The following KYNU variants were observed in gnomAD, a reference collection of about 807,000 sequenced individuals.
KYNU encodes the protein L-kynurenine hydrolase.
In KYNU, 54 loss-of-function variants were observed where a neutral mutation model predicts 59.2. The ratio of observed to expected loss-of-function variants is 0.91; its 90% confidence interval spans 0.73 to 1.14. The LOEUF (loss-of-function observed/expected upper bound fraction) is 1.14. Ranked by LOEUF, KYNU falls within the 50% of genes most tolerant of loss-of-function variation. KYNU has a pLI of 0.00. For synonymous variants in KYNU, 177 were observed against 192.0 expected (o/e 0.92, Z 0.65); for missense variants, 567 against 554.4 (o/e 1.02, Z -0.23).
intron 7 of KYNU, among the ~76,000 whole-genome samples, chr2:142,960,249 T>C (rs1684298476): frequency 6.6e-6 from 1 of 152,224 alleles, no homozygotes; most frequent in Non-Finnish European, 1.5e-5. Flanking sequence ...CAATTTCTGA[T>C]AATTTATCTT....
intron 4 of KYNU, among the ~76,000 whole-genome samples, chr2:142,934,000 AAAGTATATGGGTTAGG>A (rs1336134942): frequency 6.6e-6 from 1 of 152,200 alleles, no homozygotes; most frequent in Non-Finnish European, 1.5e-5. Context: ...TACGGAAAGT[AAAGTATATGGGTTAGG>A]AACTACTAGA....
rs975919206 is a variant in KYNU, at chr2:143,050,032, T to G, written c.*7860T>G. On this transcript the variant is annotated 3_prime_UTR_variant, in exon 14 of 14. Coordinates refer to ENST00000264170, the MANE Select transcript of KYNU (RefSeq NM_003937.3). ...TATATATATAATATATAAACATATA[T>G]TTATATAAAATAAAAACATATAAAA... 11 of 147,854 alleles carry G rather than the reference T, an allele frequency of 7.4e-5. No individual in the cohort carries two copies. Among genetic ancestry groups the G allele is most frequent in the African/African-American group, 2.7e-4 (11 of 40,876 alleles). 9.2% of individuals were successfully genotyped at this position (147,854 alleles called of 1,614,324 possible).
intron 10 of KYNU, among the ~76,000 whole-genome samples, chr2:142,996,096 G>T (rs1237117965): frequency 1.3e-5 from 2 of 151,954 alleles, no homozygotes; most frequent in Admixed American, 1.3e-4. Flanking sequence ...CTTGACTAGG[G>T]GACTTATGAA....
At position 142,956,248 on chromosome 2, in the gene KYNU, G is replaced by A. The variant is rs759252207; in HGVS notation, c.481G>A (p.Glu161Lys). 6.2e-7 allele frequency: 1 copy of A among 1,603,740 alleles called. No individual in the cohort carries two copies. Among genetic ancestry groups the A allele is most frequent in the East Asian group, 2.2e-5 (1 of 44,694 alleles). ...GCCAAAACGATATAAAATTCTTCTA[G>A]AAGCCAAAGCCTTCCCTTCTGATCA... is the stretch of plus-strand genomic sequence containing the variant. ...PTPKRYKILL[E>K]AKAFPSDHYA... Residue 161 changes from glutamate (E) to lysine (K), a missense_variant, in exon 6 of 14, where the codon GAA becomes AAA. Glu to Lys is a moderately conservative substitution (Grantham distance 56, BLOSUM62 1). Transcript: ENST00000264170.
chr2:142,950,298 G>A (rs1356868108), intron 4 of KYNU, among the ~76,000 whole-genome samples: 4 of 152,138 alleles, frequency 2.6e-5, no homozygotes, highest in Non-Finnish European at 5.9e-5. Flanking sequence ...TATCTTTTCA[G>A]CAATGTCCCA....
intron 1 of KYNU, among the ~76,000 whole-genome samples, chr2:142,883,835 A>G (rs1477306425): frequency 6.6e-6 from 1 of 152,220 alleles, no homozygotes; most frequent in Non-Finnish European, 1.5e-5. Flanking sequence ...TAAATTGTAC[A>G]AGGGTTGGCA....
chr2:142,911,187 A>G (rs1025303257), intron 2 of KYNU, among the ~76,000 whole-genome samples: 3 of 152,114 alleles, frequency 2.0e-5, no homozygotes, highest in African/African-American at 7.2e-5. Flanking sequence ...GATTCTTCCA[A>G]TCCATGAGTA....
chr2:142,964,485 T>A (rs1684467253), intron 8 of KYNU, among the ~76,000 whole-genome samples: 1 of 152,204 alleles, frequency 6.6e-6, no homozygotes, highest in Non-Finnish European at 1.5e-5. Flanking sequence ...CTAAGTAGTT[T>A]GCAGTGGTAA....
rs181113574 is a variant in KYNU at position 142,932,335 on chromosome 2, G to C, written c.373+4594G>C. ...TGAAGGTTTTGGGCTCAGAAGTCCT[G>C]CTTTTCTTCTGAGGAGTAAAGAGGA... On this transcript the variant is annotated intron_variant, in intron 4 of 13. Transcript: ENST00000264170. 1.0e-3 allele frequency among the ~76,000 whole-genome samples: 159 copies of C among 152,218 alleles called. No homozygotes were observed. The Middle Eastern group carries it at 0.014, about 13-fold the overall frequency.
Position 143,049,969 on chromosome 2 carries a change from C to T in KYNU, c.*7797C>T, listed in dbSNP as rs188560452. 6.0e-5 allele frequency: 9 copies of T among 149,468 alleles called. No individual in the cohort carries two copies. The South Asian group carries it at 6.3e-4, about 10-fold the overall frequency. The allele number at this position is 149,468 out of a possible 1,614,324, so 9.3% of individuals were successfully genotyped here. A position where few individuals can be genotyped will look rare whatever the true frequency, so the allele number is the denominator to read the frequency against. On this transcript the variant is annotated 3_prime_UTR_variant, in exon 14 of 14. Transcript: ENST00000264170. ...GAAGAACACTTTAAATTCTTGTTTTCGGTTTTTTTCCAATCACATAAGTAG... is the reference window on the plus strand; with the variant it reads ...GAAGAACACTTTAAATTCTTGTTTTTGGTTTTTTTCCAATCACATAAGTAG...
intron 5 of KYNU, among the ~76,000 whole-genome samples, chr2:142,955,420 G>T (rs1684130684): frequency 6.6e-6 from 1 of 152,024 alleles, no homozygotes; most frequent in Non-Finnish European, 1.5e-5. Flanking sequence ...TGTTAATGGT[G>T]ACTGCCCAAT....
Position 143,044,452 on chromosome 2 carries a change from A to G in KYNU, c.*2280A>G, listed in dbSNP as rs1191682201. 6.6e-6 allele frequency: 1 copy of G among 152,174 alleles called. No individual in the cohort carries two copies. Among genetic ancestry groups the G allele is most frequent in the Non-Finnish European group, 1.5e-5 (1 of 68,028 alleles). 9.4% of individuals were successfully genotyped at this position (152,174 alleles called of 1,614,324 possible). On this transcript the variant is annotated 3_prime_UTR_variant, in exon 14 of 14. Transcript: ENST00000264170. The stretch of plus-strand genomic sequence containing the variant: ...TGAACTAATTTATACTCCCACCAAC[A>G]GTGTAAAAGCATTCCTATTTCTCCA...
chr2:142,886,571 G>A (rs1166353115), intron 2 of KYNU, among the ~76,000 whole-genome samples: 1 of 136,308 alleles, frequency 7.3e-6, no homozygotes, highest in Non-Finnish European at 1.6e-5. Context: ...TAAGTGATCT[G>A]AGACCATAGA....
intron 2 of KYNU, among the ~76,000 whole-genome samples, chr2:142,895,052 G>A (rs1439064149): frequency 6.6e-6 from 1 of 152,146 alleles, no homozygotes; most frequent in East Asian, 1.9e-4. Context: ...CCCCCATTAA[G>A]AAGGATTGGT....
At chr2:142,987,374 T>G (rs1317816337) in intron 10 of KYNU, among the ~76,000 whole-genome samples, 2 of 151,938 alleles carry the variant, frequency 1.3e-5, no homozygotes, top group Non-Finnish European at 2.9e-5. Context: ...TGTTCGGAGT[T>G]AAGCTTTGAC....
chr2:142,965,699 T>C (rs1450877921), intron 8 of KYNU, among the ~76,000 whole-genome samples: 1 of 152,190 alleles, frequency 6.6e-6, no homozygotes, highest in Non-Finnish European at 1.5e-5. Context: ...AATGACTCAC[T>C]GCTTCCTGAA....
Position 143,049,938 on chromosome 2 carries a change from C to A in KYNU, c.*7766C>A, listed in dbSNP as rs1025266645. On this transcript the variant is annotated 3_prime_UTR_variant, in exon 14 of 14. Coordinates refer to ENST00000264170, the MANE Select transcript of KYNU (RefSeq NM_003937.3). Reference sequence around the variant, plus strand: ...TTTGCTTCTGTCAGTTGCAGAGAATCAATGAGAAGAACACTTTAAATTCTT... The same window carrying A: ...TTTGCTTCTGTCAGTTGCAGAGAATAAATGAGAAGAACACTTTAAATTCTT... The A allele has an allele frequency of 6.6e-6, 1 of 151,124 alleles. No individual in the cohort carries two copies. Among genetic ancestry groups the A allele is most frequent in the African/African-American group, 2.4e-5 (1 of 41,220 alleles). The allele number at this position is 151,124 out of a possible 1,614,324, so 9.4% of individuals were successfully genotyped here.
At position 142,956,284 on chromosome 2, in the gene KYNU, T is replaced by C; in HGVS notation, c.507+10T>C. The stretch of plus-strand genomic sequence containing the variant: ...CTTCCCTTCTGATCATGTAAGGACT[T>C]CTTCAAATTGTATTTATGTTCTTTC... On this transcript the variant is annotated intron_variant, in intron 6 of 13. Coordinates refer to ENST00000264170, the MANE Select transcript of KYNU (RefSeq NM_003937.3). The C allele has an allele frequency of 6.5e-7, 1 of 1,544,688 alleles. No homozygotes were observed. Among genetic ancestry groups the C allele is most frequent in the Middle Eastern group, 1.7e-4 (1 of 5,924 alleles).
chr2:142,896,067 A>G (rs1391660872), intron 2 of KYNU, among the ~76,000 whole-genome samples: 1 of 152,086 alleles, frequency 6.6e-6, no homozygotes, highest in African/African-American at 2.4e-5. Context: ...AAACATTCTT[A>G]GCTTTCAGGC....
Sources: gnomAD v4.1 joint callset for allele counts (sites outside exome capture counted in the v4.1 genomes callset) on GRCh38, gnomAD v4.1.1 for gene constraint, MANE v1.5 for transcripts, NCBI Gene and HGNC (gene_info 2026-07-23, HGNC 2026-07-21) for gene names.